ANO2: variants seen among roughly 807,000 people sequenced by gnomAD.
ANO2 encodes the protein anoctamin 2, also known as anoctamin-2.
ANO2 carries 101 observed loss-of-function variants against 124.2 expected under a neutral mutation model. The ratio of observed to expected loss-of-function variants is 0.81; its 90% CI spans 0.69 to 0.96. ANO2 has a LOEUF of 0.96. Among genes scored for constraint, ANO2 ranks in the 40% least tolerant of loss-of-function variants. ANO2 has a pLI of 0.00. For synonymous variants in ANO2, 486 were observed against 482.5 expected, an observed-to-expected ratio of 1.01 and a Z score of -0.09; for missense variants, 1,293 against 1,274.5, an observed-to-expected ratio of 1.01 and a Z score of -0.22.
At chr12:5,797,670 T>A (rs1952905939) in intron 10 of ANO2, among the ~76,000 whole-genome samples, 1 of 152,206 alleles carries the variant, frequency 6.6e-6, no homozygotes, top group Non-Finnish European at 1.5e-5. Flanking sequence ...CATCACCATC[T>A]GCCTTGGCTC....
intron 12 of ANO2, among the ~76,000 whole-genome samples, chr12:5,742,710 T>C (rs1193525852): frequency 6.6e-6 from 1 of 152,132 alleles, no homozygotes; most frequent in Non-Finnish European, 1.5e-5. Flanking sequence ...CAAGACAAAT[T>C]ATGGGCATTA....
At chr12:5,945,088 C>T (rs1565802375) in intron 1 of ANO2, 108 bp downstream of exon 1, 13 of 1,111,832 alleles carry the variant, frequency 1.2e-5, no homozygotes, top group Non-Finnish European at 1.5e-5. Flanking sequence ...CCCAGGCTCC[C>T]TTGGGGGTCC....
upstream of ANO2, among the ~76,000 whole-genome samples, chr12:5,945,890 A>G (rs1943081301): frequency 6.6e-6 from 1 of 152,184 alleles, no homozygotes; most frequent in Non-Finnish European, 1.5e-5. Context: ...CTCTCCCATG[A>G]GACGCTAGGA....
intron 7 of ANO2, among the ~76,000 whole-genome samples, chr12:5,813,019 A>G (rs1256818814): frequency 6.6e-6 from 1 of 151,030 alleles, no homozygotes; most frequent in Non-Finnish European, 1.5e-5. Flanking sequence ...AGAGAGAGAA[A>G]GAAAAAAAGA....
At chr12:5,847,195 A>T (rs1344053857) in intron 4 of ANO2, among the ~76,000 whole-genome samples, 1 of 152,216 alleles carries the variant, frequency 6.6e-6, no homozygotes, top group Non-Finnish European at 1.5e-5. Context: ...CCCACAGGTA[A>T]GGGGAAACTC....
intron 19 of ANO2, among the ~76,000 whole-genome samples, chr12:5,609,422 C>G (rs1944374408): frequency 6.6e-6 from 1 of 152,126 alleles, no homozygotes; most frequent in Admixed American, 6.6e-5. Context: ...ACCCTGCATG[C>G]TTAGATGACC....
At chr12:5,899,705 C>T (rs1172940209) in intron 3 of ANO2, among the ~76,000 whole-genome samples, 3 of 152,212 alleles carry the variant, frequency 2.0e-5, no homozygotes, top group South Asian at 2.1e-4. Flanking sequence ...AAAGGTCCCT[C>T]GGATTCCAGA....
chr12:5,628,687 T>TGTGC (rs989599957), intron 16 of ANO2, among the ~76,000 whole-genome samples: 120 of 146,000 alleles, frequency 8.2e-4, no homozygotes, highest in African/African-American at 3.0e-3. Context: ...TGTGTGTGTG[T>TGTGC]GCGCGCGCGC....
intron 19 of ANO2, among the ~76,000 whole-genome samples, chr12:5,602,421 T>C (rs890752478): frequency 6.6e-6 from 1 of 151,724 alleles, no homozygotes; most frequent in African/African-American, 2.4e-5. Context: ...CAGCTAATAT[T>C]TTTTGTATTT....
At chr12:5,796,620 C>A (rs751425522) in intron 10 of ANO2, among the ~76,000 whole-genome samples, 7 of 152,164 alleles carry the variant, frequency 4.6e-5, no homozygotes, top group African/African-American at 1.7e-4. Context: ...GAGGCAGGAT[C>A]GGGAGGAGAG....
rs753803311 is a variant in ANO2, at chr12:5,945,243, C to T, written c.-26G>A. The T allele has an allele frequency of 1.2e-5, 15 of 1,284,474 alleles. No homozygotes were observed. The highest frequency in any genetic ancestry group is 1.5e-5 in the Non-Finnish European group (15 of 986,042). The allele number at this position is 1,284,474 out of a possible 1,614,324, so 79.6% of individuals were successfully genotyped here. ...GATGTGGACGCAGACCCCGCCGGCC[C>T]GCGGCCGCGCGCTTCTGGGCAGGCT... is the stretch of plus-strand genomic sequence containing the variant. On this transcript the variant is annotated 5_prime_UTR_variant, in exon 1 of 25. Coordinates refer to ENST00000682330, the MANE Select transcript of ANO2 (RefSeq NM_001364791.2).
chr12:5,779,019 G>C (rs1952309134), intron 10 of ANO2, among the ~76,000 whole-genome samples: 1 of 152,198 alleles, frequency 6.6e-6, no homozygotes, highest in Non-Finnish European at 1.5e-5. Context: ...GAAAAGGAAG[G>C]AAAGCCCAAC....
At chr12:5,588,135 T>C (rs954891671) in intron 20 of ANO2, among the ~76,000 whole-genome samples, 2 of 151,956 alleles carry the variant, frequency 1.3e-5, no homozygotes, top group Non-Finnish European at 2.9e-5. Context: ...ATTGCTCTCA[T>C]TTTTGTTCAA....
At chr12:5,596,894 T>C (rs1002522097) in intron 20 of ANO2, among the ~76,000 whole-genome samples, 1 of 152,182 alleles carries the variant, frequency 6.6e-6, no homozygotes, top group Non-Finnish European at 1.5e-5. Flanking sequence ...CAGATACTAA[T>C]TCATTCACTA....
At chr12:5,633,310 C>T (rs754000098) in intron 16 of ANO2, among the ~76,000 whole-genome samples, 7 of 152,268 alleles carry the variant, frequency 4.6e-5, no homozygotes, top group South Asian at 2.1e-4. Context: ...CTGGCCCATC[C>T]GCCACTGCCT....
intron 3 of ANO2, among the ~76,000 whole-genome samples, chr12:5,878,897 C>T (rs1410389212): frequency 6.6e-6 from 1 of 152,206 alleles, no homozygotes; most frequent in Admixed American, 6.5e-5. Context: ...GGAACAAACG[C>T]ATACCTTATA....
intron 3 of ANO2, among the ~76,000 whole-genome samples, chr12:5,910,688 G>A (rs913991926): frequency 2.0e-5 from 3 of 152,034 alleles, no homozygotes; most frequent in South Asian, 2.1e-4. Flanking sequence ...CTGTCATATG[G>A]CCCCAGGAGT....
intron 14 of ANO2, among the ~76,000 whole-genome samples, chr12:5,706,599 C>T (rs1949620130): frequency 6.6e-6 from 1 of 152,200 alleles, no homozygotes; most frequent in African/African-American, 2.4e-5. Context: ...TGTCCCCTTA[C>T]TTTGCTTCAT....
intron 19 of ANO2, among the ~76,000 whole-genome samples, chr12:5,612,285 A>G (rs1374870409): frequency 6.6e-6 from 1 of 152,198 alleles, no homozygotes; most frequent in East Asian, 1.9e-4. Context: ...GTCCTAAATG[A>G]TTCCATTACA....
Sources: gnomAD v4.1 joint callset for allele counts (sites outside exome capture counted in the v4.1 genomes callset) on GRCh38, gnomAD v4.1.1 for gene constraint, MANE v1.5 for transcripts, NCBI Gene and HGNC (gene_info 2026-07-23, HGNC 2026-07-21) for gene names.